Variants in ROBO1 observed in about 807,000 individuals in gnomAD.
ROBO1 encodes roundabout homolog 1.
A neutral mutation model predicts 195.9 loss-of-function variants in ROBO1; 149 were observed. The ratio of observed to expected loss-of-function variants is 0.76; its 90% CI spans 0.67 to 0.87. The LOEUF is 0.87. ROBO1 is among the 40% of genes least tolerant of loss of function. The probability of loss-of-function intolerance (pLI) is 0.00; values close to 1 mark genes in which losing one functional copy is unlikely to be tolerated. For synonymous variants in ROBO1, 816 were observed against 733.2 expected (o/e 1.11, Z -1.82); for missense variants, 1,933 against 2,068.3 (o/e 0.93, Z 1.27).
rs372382734 is a variant in ROBO1, at chr3:78,659,675, T to A, written c.2442+11A>T. 1 of 1,443,658 alleles carries A rather than the reference T, an allele frequency of 6.9e-7. No individual in the cohort carries two copies. The highest frequency in any genetic ancestry group is 9.4e-7 in the Non-Finnish European group (1 of 1,065,360). The allele number at this position is 1,443,658 out of a possible 1,614,324, so 89.4% of individuals were successfully genotyped here. On this transcript the variant is annotated intron_variant, in intron 17 of 30. Coordinates refer to ENST00000464233, the MANE Select transcript of ROBO1 (RefSeq NM_002941.4). ...TCAGGACATTAATATATATATATAT[T>A]ATACTCATACCTTATACTCTTGGAC... is the stretch of plus-strand genomic sequence containing the variant.
intron 2 of ROBO1, among the ~76,000 whole-genome samples, chr3:79,253,032 G>T (rs1489182258): frequency 6.6e-6 from 1 of 152,056 alleles, no homozygotes; most frequent in Non-Finnish European, 1.5e-5. Flanking sequence ...ATATACTGTA[G>T]CTTTTTAATA....
intron 1 of ROBO1, among the ~76,000 whole-genome samples, chr3:79,657,172 G>A (rs1208308706): frequency 6.6e-6 from 1 of 151,744 alleles, no homozygotes; most frequent in Non-Finnish European, 1.5e-5. Flanking sequence ...GTACCCAATG[G>A]GCATTAATAT....
At chr3:78,946,862 G>A (rs1218617482) in intron 3 of ROBO1, among the ~76,000 whole-genome samples, 1 of 151,978 alleles carries the variant, frequency 6.6e-6, no homozygotes, top group Non-Finnish European at 1.5e-5. Context: ...AAAAAGGCAG[G>A]GGTTGCAATC....
chr3:79,216,202 A>T (rs2082053186), intron 2 of ROBO1, among the ~76,000 whole-genome samples: 1 of 152,118 alleles, frequency 6.6e-6, no homozygotes, highest in Non-Finnish European at 1.5e-5. Flanking sequence ...TTAAAGATTT[A>T]GACAACTTAT....
chr3:78,853,809 G>A (rs190886073), intron 4 of ROBO1, among the ~76,000 whole-genome samples: 38 of 152,132 alleles, frequency 2.5e-4, no homozygotes, highest in Admixed American at 2.2e-3. Flanking sequence ...GATAGCGGAA[G>A]GCAAAAAGGA....
At position 79,082,244 on chromosome 3, in the gene ROBO1, G is replaced by A. The variant is rs1166298455; in HGVS notation, c.172+43212C>T. 2.0e-5 allele frequency among the ~76,000 whole-genome samples: 3 copies of A among 152,012 alleles called. 1 individual carries two copies. The highest frequency in any genetic ancestry group is 7.2e-5 in the African/African-American group (3 of 41,388). On this transcript the variant is annotated intron_variant, in intron 3 of 30. Transcript: ENST00000464233. Reference sequence around the variant, plus strand: ...TGTATAAACAGCAATCCTATTCCTGGCTTGACTAAATTTACATGAGTCAAT... The same window carrying A: ...TGTATAAACAGCAATCCTATTCCTGACTTGACTAAATTTACATGAGTCAAT...
At chr3:79,280,642 CT>C (rs1476164045) in intron 2 of ROBO1, among the ~76,000 whole-genome samples, 1 of 152,146 alleles carries the variant, frequency 6.6e-6, no homozygotes, top group Non-Finnish European at 1.5e-5. Flanking sequence ...GGTCCCCAAC[CT>C]TTTTGGCACC....
intron 4 of ROBO1, among the ~76,000 whole-genome samples, chr3:78,873,771 C>G (rs2035679247): frequency 1.3e-5 from 2 of 152,038 alleles, no homozygotes; most frequent in Non-Finnish European, 2.9e-5. Flanking sequence ...CTGTGTTCAT[C>G]TGTTTCTTTT....
intron 2 of ROBO1, among the ~76,000 whole-genome samples, chr3:79,520,850 A>AC (rs1941179699): frequency 6.6e-6 from 1 of 152,168 alleles, no homozygotes; most frequent in African/African-American, 2.4e-5. Flanking sequence ...AAAAAAAAAA[A>AC]CACTTTTATT....
intron 4 of ROBO1, among the ~76,000 whole-genome samples, chr3:78,755,803 T>A (rs1031727965): frequency 2.7e-4 from 41 of 152,312 alleles, no homozygotes; most frequent in African/African-American, 5.3e-4. Flanking sequence ...CCTTATTTTT[T>A]AAAAAATTTA....
intron 27 of ROBO1, 102 bp downstream of exon 27, chr3:78,617,533 G>T: frequency 3.0e-5 from 34 of 1,121,528 alleles, no homozygotes; most frequent in Non-Finnish European, 3.4e-5. Flanking sequence ...TGTAAGAATA[G>T]ATGCTTTTCA....
chr3:78,618,764 ATTAAT>A (rs1486474896), intron 26 of ROBO1, among the ~76,000 whole-genome samples: 2 of 152,162 alleles, frequency 1.3e-5, no homozygotes, highest in Admixed American at 6.5e-5. Flanking sequence ...ATGTCCTGGA[ATTAAT>A]TTAAGAACCA....
At chr3:79,729,074 A>G (rs951367637) in intron 1 of ROBO1, among the ~76,000 whole-genome samples, 11 of 152,168 alleles carry the variant, frequency 7.2e-5, no homozygotes, top group African/African-American at 2.7e-4. Context: ...ATTTTATTTG[A>G]GAATTGTTGA....
At chr3:79,755,471 A>G (rs149064304) in intron 1 of ROBO1, among the ~76,000 whole-genome samples, 1,695 of 152,252 alleles carry the variant, frequency 0.011, 19 homozygotes, top group Non-Finnish European at 0.017. Flanking sequence ...TGTTAGATGA[A>G]AAGCTTTATC....
chr3:78,667,327 T>A (rs1251547728), intron 14 of ROBO1, among the ~76,000 whole-genome samples: 1 of 152,190 alleles, frequency 6.6e-6, no homozygotes, highest in Non-Finnish European at 1.5e-5. Context: ...ATGAGGTATT[T>A]TGATATAGGC....
intron 8 of ROBO1, among the ~76,000 whole-genome samples, chr3:78,696,338 C>T (rs116628676): frequency 0.018 from 2,776 of 152,120 alleles, 79 homozygotes; most frequent in African/African-American, 0.062. Flanking sequence ...TCTAATAAAA[C>T]TATAAAATGT....
At chr3:79,372,536 G>A (rs984817156) in intron 2 of ROBO1, among the ~76,000 whole-genome samples, 1 of 151,806 alleles carries the variant, frequency 6.6e-6, no homozygotes, top group Non-Finnish European at 1.5e-5. Flanking sequence ...GAGAGATGTG[G>A]GAGTGCTGGC....
At chr3:79,736,123 C>T (rs1576300759) in intron 1 of ROBO1, among the ~76,000 whole-genome samples, 1 of 152,266 alleles carries the variant, frequency 6.6e-6, no homozygotes, top group South Asian at 2.1e-4. Flanking sequence ...TCAATGACAT[C>T]CTCTCTGAGA....
At chr3:79,248,540 A>C (rs2082666937) in intron 2 of ROBO1, among the ~76,000 whole-genome samples, 1 of 152,164 alleles carries the variant, frequency 6.6e-6, no homozygotes, top group South Asian at 2.1e-4. Flanking sequence ...TTTTATTCTA[A>C]GTCTGATAGA....
Sources: gnomAD v4.1 joint callset for allele counts (sites outside exome capture counted in the v4.1 genomes callset) on GRCh38, gnomAD v4.1.1 for gene constraint, MANE v1.5 for transcripts, NCBI Gene and HGNC (gene_info 2026-07-23, HGNC 2026-07-21) for gene names.